Variants in FBXL7 observed in about 807,000 individuals in gnomAD.
FBXL7 encodes the protein F-box and leucine rich repeat protein 7.
In FBXL7, 12 loss-of-function variants were observed where a neutral mutation model predicts 38.3. That is an observed-to-expected ratio of 0.31 (90% confidence interval 0.20 to 0.51). The LOEUF (loss-of-function observed/expected upper bound fraction) is 0.51. Among genes scored for constraint, FBXL7 ranks in the 20% least tolerant of loss-of-function variants. The pLI is 0.98. For synonymous variants in FBXL7, 297 were observed against 300.9 expected (o/e 0.99, Z 0.13); for missense variants, 567 against 676.4 (o/e 0.84, Z 1.79).
intron 2 of FBXL7, among the ~76,000 whole-genome samples, chr5:15,635,586 C>T (rs923186165): frequency 6.6e-6 from 1 of 152,070 alleles, no homozygotes; most frequent in Non-Finnish European, 1.5e-5. Context: ...GGCAGGAGTC[C>T]ATGAAGAGGG....
intron 2 of FBXL7, among the ~76,000 whole-genome samples, chr5:15,620,525 C>T (rs1035156664): frequency 6.6e-6 from 1 of 151,488 alleles, no homozygotes; most frequent in Non-Finnish European, 1.5e-5. Context: ...GCTGTTATTA[C>T]AGGCGTGAGC....
chr5:15,702,772 G>A (rs1743568392), intron 2 of FBXL7, among the ~76,000 whole-genome samples: 1 of 152,058 alleles, frequency 6.6e-6, no homozygotes, highest in Non-Finnish European at 1.5e-5. Context: ...CACCAAACAG[G>A]CTTTGTGTGA....
chr5:15,765,126 A>C (rs1017823486), intron 2 of FBXL7, among the ~76,000 whole-genome samples: 1 of 152,152 alleles, frequency 6.6e-6, no homozygotes, highest in African/African-American at 2.4e-5. Context: ...CAATTTTTCA[A>C]AAAATGTTCA....
At chr5:15,695,555 A>G (rs1484776329) in intron 2 of FBXL7, among the ~76,000 whole-genome samples, 3 of 152,194 alleles carry the variant, frequency 2.0e-5, no homozygotes, top group Non-Finnish European at 4.4e-5. Context: ...AAAAGGAACT[A>G]AAATGCTGCA....
intron 2 of FBXL7, among the ~76,000 whole-genome samples, chr5:15,751,033 T>C (rs1030572413): frequency 6.6e-6 from 1 of 152,174 alleles, no homozygotes; most frequent in Non-Finnish European, 1.5e-5. Flanking sequence ...TGAAAAAGAA[T>C]GATGATTTTT....
chr5:15,848,560 TTAG>T (rs911090552), intron 2 of FBXL7, among the ~76,000 whole-genome samples: 2 of 152,078 alleles, frequency 1.3e-5, no homozygotes, highest in Admixed American at 6.6e-5. Flanking sequence ...ATTTGTATTT[TTAG>T]TAGAGATGGG....
intron 1 of FBXL7, among the ~76,000 whole-genome samples, chr5:15,515,138 C>A (rs994105258): frequency 6.6e-6 from 1 of 152,136 alleles, no homozygotes; most frequent in Non-Finnish European, 1.5e-5. Context: ...ATGGATGGAC[C>A]GGATGCCACT....
intron 1 of FBXL7, among the ~76,000 whole-genome samples, chr5:15,562,769 C>T (rs2126439376): frequency 6.6e-6 from 1 of 152,196 alleles, no homozygotes; most frequent in Non-Finnish European, 1.5e-5. Context: ...TGCATTCTTT[C>T]CATGTGCCAG....
intron 1 of FBXL7, among the ~76,000 whole-genome samples, chr5:15,517,940 T>A (rs1169121766): frequency 6.6e-6 from 1 of 152,136 alleles, no homozygotes; most frequent in Non-Finnish European, 1.5e-5. Flanking sequence ...AGCATTGGCG[T>A]CTTGCTGCTG....
intron 2 of FBXL7, among the ~76,000 whole-genome samples, chr5:15,669,061 T>A (rs1218211646): frequency 6.6e-6 from 1 of 152,172 alleles, no homozygotes; most frequent in African/African-American, 2.4e-5. Flanking sequence ...GTGTCACACA[T>A]TGTACAGTGA....
At chr5:15,731,149 T>C (rs1363400409) in intron 2 of FBXL7, among the ~76,000 whole-genome samples, 1 of 152,112 alleles carries the variant, frequency 6.6e-6, no homozygotes, top group Non-Finnish European at 1.5e-5. Flanking sequence ...AGCATTCAAG[T>C]GTTCCAGGGA....
chr5:15,788,251 CTCTGGGTGGACAT>C (rs1293622045), intron 2 of FBXL7, among the ~76,000 whole-genome samples: 1 of 152,146 alleles, frequency 6.6e-6, no homozygotes, highest in East Asian at 1.9e-4. Context: ...CATCCTGAGG[CTCTGGGTGGACAT>C]GAATTTTGGG....
At chr5:15,719,356 T>TTATATATTATATAACTGG (rs1176174407) in intron 2 of FBXL7, among the ~76,000 whole-genome samples, 2 of 149,866 alleles carry the variant, frequency 1.3e-5, no homozygotes, top group African/African-American at 2.4e-5. Flanking sequence ...TATCATTTAA[T>TTATATATTATATAACTGG]GAGCATCTCT....
At chr5:15,900,356 A>G (rs541020420) in intron 2 of FBXL7, among the ~76,000 whole-genome samples, 5 of 152,278 alleles carry the variant, frequency 3.3e-5, no homozygotes, top group East Asian at 1.9e-4. Context: ...AGTAACATCA[A>G]TCTATACCAA....
intron 2 of FBXL7, among the ~76,000 whole-genome samples, chr5:15,630,731 A>C (rs1414484227): frequency 6.6e-6 from 1 of 152,186 alleles, no homozygotes; most frequent in Non-Finnish European, 1.5e-5. Context: ...AATTCATCAA[A>C]TCTCAGAAAT....
At chr5:15,534,067 A>G (rs1032513626) in intron 1 of FBXL7, among the ~76,000 whole-genome samples, 5 of 152,202 alleles carry the variant, frequency 3.3e-5, no homozygotes, top group African/African-American at 1.2e-4. Context: ...CAGAAGGTAC[A>G]GAGTTTCTGT....
At chr5:15,776,914 T>A (rs78099495) in intron 2 of FBXL7, among the ~76,000 whole-genome samples, 2 of 152,112 alleles carry the variant, frequency 1.3e-5, no homozygotes, top group Admixed American at 1.3e-4. Context: ...CCTGATTACA[T>A]ATATATCTTA....
intron 3 of FBXL7, among the ~76,000 whole-genome samples, chr5:15,934,950 G>A (rs974786888): frequency 4.6e-5 from 7 of 152,120 alleles, no homozygotes; most frequent in African/African-American, 1.7e-4. Context: ...CAGGGATAAA[G>A]ACTCCTGAAA....
chr5:15,615,988 G>T lies in FBXL7; in HGVS notation c.43G>T (p.Gly15Cys). 1 of 1,611,370 alleles carries T rather than the reference G, an allele frequency of 6.2e-7. No homozygotes were observed. The highest frequency in any genetic ancestry group is 8.5e-7 in the Non-Finnish European group (1 of 1,178,258). Residue 15 changes from glycine to cysteine, a missense_variant, in exon 2 of 4, where the codon GGC (glycine) becomes TGC (cysteine). Transcript: ENST00000504595. ...NGKQYGSEGK[G>C]SSSISSDVSS... ...CTCATTCCTGTTTCTTCCAGGCAAA[G>T]GCAGCTCGAGCATCTCATCTGACGT... is the stretch of plus-strand genomic sequence containing the variant.
Sources: gnomAD v4.1 joint callset for allele counts (sites outside exome capture counted in the v4.1 genomes callset) on GRCh38, gnomAD v4.1.1 for gene constraint, MANE v1.5 for transcripts, NCBI Gene and HGNC (gene_info 2026-07-23, HGNC 2026-07-21) for gene names.